Variants in DLGAP3 observed in about 807,000 individuals in gnomAD.
DLGAP3 encodes DLG associated protein 3.
Under a neutral mutation model 81.2 loss-of-function variants are expected in DLGAP3, and 17 were observed. The ratio of observed to expected loss-of-function variants is 0.21; its 90% CI spans 0.14 to 0.31. The LOEUF is 0.31. DLGAP3 is among the 10% of genes least tolerant of loss of function. DLGAP3 has a pLI of 1.00. For missense variants in DLGAP3, 1,124 were observed against 1,388.0 expected (o/e 0.81, Z 3.02); for synonymous variants, 577 against 587.4 (o/e 0.98, Z 0.26).
rs1168079677 is a variant in DLGAP3 at position 34,896,213 on chromosome 1, G to A, written c.1386+3456C>T. Among the ~76,000 whole-genome samples, 8 of 152,294 alleles carry A rather than the reference G, an allele frequency of 5.3e-5. No homozygotes were observed. The East Asian group carries it at 1.5e-3, about 29-fold the overall frequency. Reference sequence around the variant, plus strand: ...ACCACTCCAGCTGACACCTTGGTCAGATTTCTAGCCTCCAGAATTGTGAGA... The same window carrying A: ...ACCACTCCAGCTGACACCTTGGTCAAATTTCTAGCCTCCAGAATTGTGAGA... On this transcript the variant is annotated intron_variant, in intron 5 of 11. Coordinates refer to ENST00000373347, the MANE Select transcript of DLGAP3 (RefSeq NM_001080418.3).
rs1638872841 is a variant in DLGAP3 at position 34,866,146 on chromosome 1, G to A, written c.2877C>T (p.Ser959=). The A allele has an allele frequency of 1.9e-6, 3 of 1,598,938 alleles. No individual in the cohort carries two copies. The highest frequency in any genetic ancestry group is 1.3e-5 in the African/African-American group (1 of 74,902). The change falls in exon 12 of 12, where the codon AGC becomes AGT. Residue 959 remains serine (S), a synonymous_variant. Coordinates refer to ENST00000373347, the MANE Select transcript of DLGAP3 (RefSeq NM_001080418.3). Reference sequence around the variant, plus strand: ...TGCTGTCGGCGCTCTCGGTGGCCGAGCTGTGGCGGAAGGAAGCGGCGCGCT... The same window carrying A: ...TGCTGTCGGCGCTCTCGGTGGCCGAACTGTGGCGGAAGGAAGCGGCGCGCT... The part of the protein sequence containing the change: ...AAKRAASFRH[S]SATESADSIE...
Position 34,866,306 on chromosome 1 carries a change from G to T in DLGAP3, c.2722-5C>A. 1 of 1,512,148 alleles carries T rather than the reference G, an allele frequency of 6.6e-7. No individual in the cohort carries two copies. Among genetic ancestry groups the T allele is most frequent in the Non-Finnish European group, 8.9e-7 (1 of 1,129,536 alleles). 93.7% of individuals were successfully genotyped at this position (1,512,148 alleles called of 1,614,324 possible). A position where few individuals can be genotyped will look rare whatever the true frequency, so the allele number is the denominator to read the frequency against. On this transcript the variant is annotated splice_polypyrimidine_tract_variant and splice_region_variant and intron_variant, in intron 11 of 11. Transcript: ENST00000373347. Reference sequence around the variant, plus strand: ...CGGAGGGACCTTCTTCTCCTCCTGCGGGGCAGAGGGCGTCGCTGAGCTGGG... The same window carrying T: ...CGGAGGGACCTTCTTCTCCTCCTGCTGGGCAGAGGGCGTCGCTGAGCTGGG...
At chr1:34,925,511 CTGAG>C (rs1487468045) in intron 1 of DLGAP3, 1 of 145,698 alleles carries the variant, frequency 6.9e-6, no homozygotes, top group Non-Finnish European at 1.5e-5. Flanking sequence ...TGTGGAAGCA[CTGAG>C]TGAGGGGAGG....
chr1:34,885,020 C>A lies in DLGAP3; in HGVS notation c.1958G>T (p.Arg653Met). 1.2e-6 allele frequency: 2 copies of A among 1,613,642 alleles called. No individual in the cohort carries two copies. The highest frequency in any genetic ancestry group is 1.7e-6 in the Non-Finnish European group (2 of 1,179,988). ...SDSDTENRSR[R>M]EFHSIGVQVE... ...CTGCACGCCAATAGAGTGGAACTCC[C>A]TCCGGCTCCTGTTCTCGGTGTCCGA... The change falls in exon 8 of 12, where the codon AGG (arginine) becomes ATG (methionine). Residue 653 changes from arginine to methionine, a missense_variant. This residue lies in a region of DLGAP3 where 379 missense variants were observed against 455.7 expected (regional missense o/e 0.83). Coordinates refer to ENST00000373347, the MANE Select transcript of DLGAP3 (RefSeq NM_001080418.3).
In DLGAP3 at chr1:34,899,690, G is replaced by A. The variant is rs769029629; in HGVS notation, c.1365C>T (p.Ser455=). The change falls in exon 5 of 12, where the codon AGC becomes AGT. Residue 455 remains serine, a synonymous_variant. Transcript: ENST00000373347. The part of the protein sequence containing the change: ...IHPRSSIPGY[S]RSLTTGQLSD... Reference sequence around the variant, plus strand: ...CTACCTGTCCAGTGGTGAGGGAACGGCTGTAGCCAGGGATGGAGCTCCGGG... The same window carrying A: ...CTACCTGTCCAGTGGTGAGGGAACGACTGTAGCCAGGGATGGAGCTCCGGG... 1 of 1,614,032 alleles carries A rather than the reference G, an allele frequency of 6.2e-7. No individual in the cohort carries two copies. The highest frequency in any genetic ancestry group is 8.5e-7 in the Non-Finnish European group (1 of 1,179,986).
chr1:34,923,170 G>A (rs1428918492), intron 1 of DLGAP3, among the ~76,000 whole-genome samples: 1 of 152,154 alleles, frequency 6.6e-6, no homozygotes. Context: ...CTTCCTCCCA[G>A]CACCTCTGGG....
At chr1:34,909,814 T>C (rs1639613622) in intron 1 of DLGAP3, among the ~76,000 whole-genome samples, 1 of 152,188 alleles carries the variant, frequency 6.6e-6, no homozygotes, top group African/African-American at 2.4e-5. Flanking sequence ...CCATGCTCTA[T>C]GGATTTTGCT....
rs1254501789 is a variant in DLGAP3 at position 34,905,127 on chromosome 1, C to T, written c.257G>A (p.Ser86Asn). The T allele has an allele frequency of 1.3e-6, 2 of 1,575,848 alleles. No individual in the cohort carries two copies. Among genetic ancestry groups the T allele is most frequent in the Admixed American group, 1.8e-5 (1 of 54,544 alleles). ...AGGGTACATCCTGGGGAAGGTGCTGCTACCCCCCCCAACCCCGGCCCCCGC... is the reference window on the plus strand; with the variant it reads ...AGGGTACATCCTGGGGAAGGTGCTGTTACCCCCCCCAACCCCGGCCCCCGC... ...GPAGAGVGGG[S>N]STFPRMYPGQ... The change falls in exon 3 of 12, where the codon AGC (serine) becomes AAC (asparagine). Residue 86 changes from serine (S) to asparagine (N), a missense_variant. Ser to Asn is a conservative substitution (Grantham distance 46, BLOSUM62 1). This residue lies in a region of DLGAP3 where 167 missense variants were observed against 172.1 expected (regional missense o/e 0.97). Coordinates refer to ENST00000373347, the MANE Select transcript of DLGAP3 (RefSeq NM_001080418.3).
chr1:34,915,525 G>A (rs977236660), intron 1 of DLGAP3, among the ~76,000 whole-genome samples: 6 of 152,156 alleles, frequency 3.9e-5, no homozygotes. Flanking sequence ...CCAGAGCTTG[G>A]GACAGCCTCC....
Position 34,899,720 on chromosome 1 carries a change from G to T in DLGAP3, c.1335C>A (p.Ile445=), listed in dbSNP as rs1241845145. ...ARINCCVPPR[I]HPRSSIPGYS... ...AGCCAGGGATGGAGCTCCGGGGGTG[G>T]ATCCGGGGTGGGACACAGCAGCTGG... The change falls in exon 5 of 12, where the codon ATC becomes ATA. Residue 445 remains isoleucine, a synonymous_variant. Transcript: ENST00000373347. 1.2e-6 allele frequency: 2 copies of T among 1,614,030 alleles called. No homozygotes were observed. The highest frequency in any genetic ancestry group is 1.7e-6 in the Non-Finnish European group (2 of 1,180,012).
chr1:34,896,069 C>T (rs1009204499), intron 5 of DLGAP3, among the ~76,000 whole-genome samples: 2 of 152,016 alleles, frequency 1.3e-5, no homozygotes, highest in Non-Finnish European at 2.9e-5. Context: ...TTAAATTTTA[C>T]ACCAAAGCAC....
chr1:34,895,148 A>G lies in DLGAP3; in HGVS notation c.1386+4521T>C, dbSNP rs914767742. Reference sequence around the variant, plus strand: ...TTTGGGAGGCCAAGGCAGGCGGATGACGAGGTCAGGAGATCGAGACGATCC... The same window carrying G: ...TTTGGGAGGCCAAGGCAGGCGGATGGCGAGGTCAGGAGATCGAGACGATCC... On this transcript the variant is annotated intron_variant, in intron 5 of 11. Coordinates refer to ENST00000373347, the MANE Select transcript of DLGAP3 (RefSeq NM_001080418.3). The surrounding 1 kb of genome is among the most constrained non-coding windows in gnomAD (Gnocchi z 4.5). Among the ~76,000 whole-genome samples the G allele has an allele frequency of 1.3e-5, 2 of 152,204 alleles. No individual in the cohort carries two copies. Among genetic ancestry groups the G allele is most frequent in the Admixed American group, 1.3e-4 (2 of 15,280 alleles).
chr1:34,879,709 T>C (rs1394385310), intron 8 of DLGAP3, among the ~76,000 whole-genome samples: 3 of 151,980 alleles, frequency 2.0e-5, no homozygotes, highest in Admixed American at 6.6e-5. Flanking sequence ...ATTCTAAAAA[T>C]TCATAGGTTA....
At chr1:34,889,900 T>C in intron 5 of DLGAP3, among the ~76,000 whole-genome samples, 1 of 152,198 alleles carries the variant, frequency 6.6e-6, no homozygotes, top group East Asian at 1.9e-4. Flanking sequence ...GCTGTTGGTC[T>C]CAGCGTTTTG....
intron 5 of DLGAP3, among the ~76,000 whole-genome samples, chr1:34,896,775 G>A (rs1220608679): frequency 6.6e-6 from 1 of 152,060 alleles, no homozygotes; most frequent in Non-Finnish European, 1.5e-5. Context: ...GGATTTGGTG[G>A]GGAGAAGAAT....
In DLGAP3 at chr1:34,929,329, G is replaced by C. The variant is rs1326017108; in HGVS notation, c.-135+122C>G. 6.7e-6 allele frequency: 1 copy of C among 149,424 alleles called. No individual in the cohort carries two copies. The highest frequency in any genetic ancestry group is 2.0e-4 in the East Asian group (1 of 5,100). 9.3% of individuals were successfully genotyped at this position (149,424 alleles called of 1,614,324 possible). ...CCAGCCCCTCCCCCCTCCCGGGGCCGGGAGCCGAGCGCCGGAGCCCGGGGC... is the reference window on the plus strand; with the variant it reads ...CCAGCCCCTCCCCCCTCCCGGGGCCCGGAGCCGAGCGCCGGAGCCCGGGGC... On this transcript the variant is annotated intron_variant, in intron 1 of 11. Coordinates refer to ENST00000373347, the MANE Select transcript of DLGAP3 (RefSeq NM_001080418.3). The surrounding 1 kb of genome is among the most constrained non-coding windows in gnomAD (Gnocchi z 6.5).
At position 34,929,307 on chromosome 1, in the gene DLGAP3, G is replaced by A. The variant is rs1040875111; in HGVS notation, c.-135+144C>T. On this transcript the variant is annotated intron_variant, in intron 1 of 11. Transcript: ENST00000373347. The surrounding 1 kb of genome is among the most constrained non-coding windows in gnomAD (Gnocchi z 6.5). ...GAGCGGGGGCAGCTGAGGAGGCCCAGCCCCTCCCCCCTCCCGGGGCCGGGA... is the reference window on the plus strand; with the variant it reads ...GAGCGGGGGCAGCTGAGGAGGCCCAACCCCTCCCCCCTCCCGGGGCCGGGA... 1 of 150,250 alleles carries A rather than the reference G, an allele frequency of 6.7e-6. No homozygotes were observed. Among genetic ancestry groups the A allele is most frequent in the African/African-American group, 2.4e-5 (1 of 41,190 alleles). The allele number at this position is 150,250 out of a possible 1,614,324, so 9.3% of individuals were successfully genotyped here. A position where few individuals can be genotyped will look rare whatever the true frequency, so the allele number is the denominator to read the frequency against.
chr1:34,875,000 G>A lies in DLGAP3; in HGVS notation c.2001-5911C>T, dbSNP rs1210259850. On this transcript the variant is annotated intron_variant, in intron 8 of 11. Coordinates refer to ENST00000373347, the MANE Select transcript of DLGAP3 (RefSeq NM_001080418.3). ...TGGGGGCTGTGACAGGGATGCCAAGGTGGGGCTAGGGTGGGAGATTCAGGA... is the reference window on the plus strand; with the variant it reads ...TGGGGGCTGTGACAGGGATGCCAAGATGGGGCTAGGGTGGGAGATTCAGGA... Among the ~76,000 whole-genome samples, 5 of 152,224 alleles carry A rather than the reference G, an allele frequency of 3.3e-5. No homozygotes were observed. The South Asian group carries it at 1.0e-3, about 32-fold the overall frequency.
chr1:34,923,789 A>G (rs1239270290), intron 1 of DLGAP3, among the ~76,000 whole-genome samples: 3 of 152,144 alleles, frequency 2.0e-5, no homozygotes, highest in African/African-American at 4.8e-5. Flanking sequence ...AGTTACATCA[A>G]AAACATGATG....
Sources: gnomAD v4.1 joint callset for allele counts (sites outside exome capture counted in the v4.1 genomes callset) on GRCh38, gnomAD v4.1.1 for gene constraint, gnomAD v4.1.1 regional missense constraint, Gnocchi (gnomAD v3.1) non-coding constraint, MANE v1.5 for transcripts, NCBI Gene and HGNC (gene_info 2026-07-23, HGNC 2026-07-21) for gene names.